SLC2A13: variants seen among roughly 807,000 people sequenced by gnomAD.
SLC2A13 encodes solute carrier family 2 member 13.
In SLC2A13, 32 loss-of-function variants were observed where a neutral mutation model predicts 64.4. That is an observed-to-expected ratio of 0.50 (90% CI 0.37 to 0.67). The LOEUF (loss-of-function observed/expected upper bound fraction) is 0.67, where lower values mean the gene tolerates loss of function less well. Ranked by LOEUF, SLC2A13 falls within the 30% of genes least tolerant of loss-of-function variation. SLC2A13 has a pLI of 0.00. For missense variants in SLC2A13, 743 were observed against 829.2 expected, an observed-to-expected ratio of 0.90 and a Z score of 1.28; for synonymous variants, 338 against 327.1, an observed-to-expected ratio of 1.03 and a Z score of -0.36.
chr12:39,948,178 G>A (rs757157525), intron 4 of SLC2A13, among the ~76,000 whole-genome samples: 44 of 152,066 alleles, frequency 2.9e-4, no homozygotes, highest in Non-Finnish European at 5.1e-4. Context: ...TTATTAGGAT[G>A]AGAGTCATAT....
At chr12:39,894,835 A>G (rs1944699503) in intron 4 of SLC2A13, among the ~76,000 whole-genome samples, 1 of 152,234 alleles carries the variant, frequency 6.6e-6, no homozygotes, top group African/African-American at 2.4e-5. Context: ...AGAGGGAAAG[A>G]AAGCAAAAAG....
intron 3 of SLC2A13, among the ~76,000 whole-genome samples, chr12:40,015,116 A>C (rs957841317): frequency 6.6e-6 from 1 of 152,128 alleles, no homozygotes; most frequent in African/African-American, 2.4e-5. Context: ...ATTTATTCTT[A>C]TCTGAGTACT....
chr12:39,896,390 GTGTATATA>G (rs1944885185), intron 4 of SLC2A13, among the ~76,000 whole-genome samples: 1 of 139,134 alleles, frequency 7.2e-6, no homozygotes, highest in African/African-American at 2.8e-5. Context: ...GTATGTATAT[GTGTATATA>G]TGTATACATA....
At chr12:39,777,641 GAC>G (rs1452377661) in intron 7 of SLC2A13, among the ~76,000 whole-genome samples, 4 of 152,154 alleles carry the variant, frequency 2.6e-5, no homozygotes, top group African/African-American at 9.7e-5. Flanking sequence ...CTAGCAGGGA[GAC>G]ACACAGGTGG....
intron 4 of SLC2A13, among the ~76,000 whole-genome samples, chr12:39,926,231 A>T (rs2136064607): frequency 6.6e-6 from 1 of 152,294 alleles, no homozygotes; most frequent in South Asian, 2.1e-4. Flanking sequence ...TTAAATAATT[A>T]TAATATCTTA....
At chr12:40,074,957 C>T (rs997707621) in intron 1 of SLC2A13, among the ~76,000 whole-genome samples, 11 of 152,118 alleles carry the variant, frequency 7.2e-5, no homozygotes, top group African/African-American at 2.7e-4. Context: ...TAATATTCCC[C>T]TTTTCTCAAA....
chr12:39,888,816 T>C (rs1268890203), intron 4 of SLC2A13, among the ~76,000 whole-genome samples: 1 of 152,210 alleles, frequency 6.6e-6, no homozygotes, highest in East Asian at 1.9e-4. Context: ...TAATAACTGA[T>C]GCAACTTAAC....
At chr12:40,021,114 A>T (rs557974523) in intron 3 of SLC2A13, among the ~76,000 whole-genome samples, 3 of 152,314 alleles carry the variant, frequency 2.0e-5, no homozygotes, top group Middle Eastern at 3.4e-3. Context: ...AGTATTACCT[A>T]TCTACTTACT....
intron 3 of SLC2A13, among the ~76,000 whole-genome samples, chr12:39,962,877 C>A (rs1191689489): frequency 1.3e-5 from 2 of 152,148 alleles, no homozygotes; most frequent in Non-Finnish European, 2.9e-5. Context: ...CAGGTGTTTT[C>A]ATAATTAAAG....
At chr12:39,991,246 G>T (rs1229368877) in intron 3 of SLC2A13, among the ~76,000 whole-genome samples, 2 of 152,106 alleles carry the variant, frequency 1.3e-5, no homozygotes, top group African/African-American at 2.4e-5. Flanking sequence ...AAGTCCATTT[G>T]CTTTAAAACT....
At chr12:39,794,790 A>T (rs4426190) in intron 7 of SLC2A13, among the ~76,000 whole-genome samples, 149,601 of 152,324 alleles carry the variant, frequency 0.98, 73,468 homozygotes, top group East Asian at 1. Context: ...CATTCTTTGC[A>T]CAATTAAACT....
chr12:40,028,280 A>C, intron 3 of SLC2A13, 21 bp downstream of exon 3: 1 of 1,577,178 alleles, frequency 6.3e-7, no homozygotes, highest in Non-Finnish European at 8.7e-7. Context: ...TTAAATTCAT[A>C]TAAGTATAAA....
chr12:39,933,037 C>A (rs977070802), intron 4 of SLC2A13, among the ~76,000 whole-genome samples: 1 of 151,820 alleles, frequency 6.6e-6, no homozygotes, highest in Non-Finnish European at 1.5e-5. Flanking sequence ...ACCAGCCTGG[C>A]CAACATGGTG....
intron 7 of SLC2A13, among the ~76,000 whole-genome samples, chr12:39,792,417 C>G (rs920286892): frequency 1.3e-5 from 2 of 152,114 alleles, no homozygotes; most frequent in Non-Finnish European, 2.9e-5. Flanking sequence ...GCAAAAGAAA[C>G]TACCATCAGA....
intron 3 of SLC2A13, among the ~76,000 whole-genome samples, chr12:40,009,624 G>C (rs1034435512): frequency 9.9e-5 from 15 of 152,092 alleles, no homozygotes; most frequent in African/African-American, 2.4e-5. Context: ...ACAGAGACAA[G>C]GTCTCACTAT....
intron 2 of SLC2A13, among the ~76,000 whole-genome samples, chr12:40,046,829 G>T (rs1948178660): frequency 6.6e-6 from 1 of 151,874 alleles, no homozygotes; most frequent in Non-Finnish European, 1.5e-5. Context: ...CTCATCCTAA[G>T]CCACAAGGTT....
chr12:39,829,256 C>T (rs976774579), intron 7 of SLC2A13, among the ~76,000 whole-genome samples: 5 of 151,600 alleles, frequency 3.3e-5, no homozygotes, highest in Admixed American at 6.6e-5. Flanking sequence ...ATTAAGGTTT[C>T]TAGCCTCCCA....
chr12:39,929,763 GGCTTTACA>G (rs71884033), intron 4 of SLC2A13, among the ~76,000 whole-genome samples: 12,447 of 152,138 alleles, frequency 0.082, 633 homozygotes, highest in Admixed American at 0.1. Context: ...TAAAGGAAGA[GGCTTTACA>G]GCTCCACTGA....
intron 2 of SLC2A13, among the ~76,000 whole-genome samples, chr12:40,043,007 G>A (rs192585062): frequency 6.6e-6 from 1 of 151,120 alleles, no homozygotes; most frequent in East Asian, 1.9e-4. Flanking sequence ...AGATATGGTT[G>A]GTTTATAAGC....
Sources: allele counts gnomAD v4.1 joint callset (sites outside exome capture counted in the v4.1 genomes callset), GRCh38; gene constraint gnomAD v4.1.1; transcripts MANE v1.5; gene names NCBI Gene and HGNC (gene_info 2026-07-23, HGNC 2026-07-21).